The following DPY19L2 variants were observed in gnomAD, a reference collection of about 807,000 sequenced individuals.
DPY19L2 encodes the protein probable C-mannosyltransferase DPY19L2.
In DPY19L2, 34 loss-of-function variants were observed where a neutral mutation model predicts 97.9. That is an observed-to-expected ratio of 0.35 (90% confidence interval 0.26 to 0.46). DPY19L2 has a LOEUF of 0.46. DPY19L2 is among the 20% of genes least tolerant of loss of function. The pLI is 1.00. For synonymous variants in DPY19L2, 230 were observed against 307.9 expected (o/e 0.75, Z 2.65); for missense variants, 623 against 911.4 (o/e 0.68, Z 4.07).
At chr12:63,653,178 G>C (rs1157825196) in intron 4 of DPY19L2, among the ~76,000 whole-genome samples, 1 of 152,118 alleles carries the variant, frequency 6.6e-6, no homozygotes, top group Non-Finnish European at 1.5e-5. Context: ...CTAGGGACCT[G>C]TGGAACTTTA....
chr12:63,560,402 T>G lies in DPY19L2; in HGVS notation c.*110A>C. 1.5e-6 allele frequency: 2 copies of G among 1,313,666 alleles called. No individual in the cohort carries two copies. Among genetic ancestry groups the G allele is most frequent in the South Asian group, 3.9e-5 (2 of 51,116 alleles). 81.4% of individuals were successfully genotyped at this position (1,313,666 alleles called of 1,614,324 possible). On this transcript the variant is annotated 3_prime_UTR_variant, in exon 22 of 22. Coordinates refer to ENST00000324472, the MANE Select transcript of DPY19L2 (RefSeq NM_173812.5). The stretch of plus-strand genomic sequence containing the variant: ...AATTTCCAATCCATTTTTATCTTAT[T>G]TTTAAGTGTCTGTTATTAAAGCTTG...
In DPY19L2 at chr12:63,560,211, G is replaced by C. The variant is rs1876210541; in HGVS notation, c.*301C>G. 1 of 208,966 alleles carries C rather than the reference G, an allele frequency of 4.8e-6. No individual in the cohort carries two copies. Among genetic ancestry groups the C allele is most frequent in the African/African-American group, 2.3e-5 (1 of 42,896 alleles). 12.9% of individuals were successfully genotyped at this position (208,966 alleles called of 1,614,324 possible). On this transcript the variant is annotated 3_prime_UTR_variant, in exon 22 of 22. Transcript: ENST00000324472. ...GATGAAAAAGGACTTACATACCCCT[G>C]ATTTATTAAAATTCATTGTTCTTTT...
intron 11 of DPY19L2, among the ~76,000 whole-genome samples, chr12:63,611,278 A>C (rs28820576): frequency 0.054 from 8,281 of 151,970 alleles, 681 homozygotes; most frequent in African/African-American, 0.19. Flanking sequence ...CAAGACCTGA[A>C]AAGATCAGCC....
chr12:63,631,434 A>G (rs1480770676), intron 6 of DPY19L2, among the ~76,000 whole-genome samples: 2 of 152,108 alleles, frequency 1.3e-5, no homozygotes, highest in Non-Finnish European at 2.9e-5. Context: ...TACTATAAAC[A>G]CCTCTATGCA....
At chr12:63,616,812 T>C (rs1320473323) in intron 11 of DPY19L2, among the ~76,000 whole-genome samples, 1 of 152,148 alleles carries the variant, frequency 6.6e-6, no homozygotes, top group African/African-American at 2.4e-5. Context: ...CACACCATCG[T>C]TTGAGCAAGA....
chr12:63,568,141 T>C (rs1010045171), intron 21 of DPY19L2, among the ~76,000 whole-genome samples: 1 of 152,028 alleles, frequency 6.6e-6, no homozygotes, highest in African/African-American at 2.4e-5. Context: ...TAATGTTACA[T>C]AGGTCTGTGA....
At position 63,661,419 on chromosome 12, in the gene DPY19L2, C is replaced by G; in HGVS notation, c.513G>C (p.Trp171Cys). Residue 171 changes from tryptophan to cysteine, a missense_variant, in exon 4 of 22, where the codon TGG (tryptophan) becomes TGC (cysteine). Around this residue, in one of 6 missense-constraint regions of DPY19L2, gnomAD observed 84 missense variants for 125.4 expected, o/e 0.67. Coordinates refer to ENST00000324472, the MANE Select transcript of DPY19L2 (RefSeq NM_173812.5). ...CAGTAAGCCTGTCATTCATAATCAT[C>G]CACAGTCCTTCCAAAAACGAAGGTG... The part of the protein sequence containing the change: ...IEAPSFLEGL[W>C]MIMNDRLTEY... 6.2e-7 allele frequency: 1 copy of G among 1,603,508 alleles called. No individual in the cohort carries two copies. Among genetic ancestry groups the G allele is most frequent in the Non-Finnish European group, 8.5e-7 (1 of 1,176,834 alleles).
At chr12:63,603,165 AAG>A (rs1180648212) in intron 12 of DPY19L2, among the ~76,000 whole-genome samples, 1 of 152,214 alleles carries the variant, frequency 6.6e-6, no homozygotes, top group East Asian at 1.9e-4. Context: ...ATAAAAATGA[AAG>A]AGTGAAAATA....
At chr12:63,629,382 C>T (rs1890168362) in intron 6 of DPY19L2, among the ~76,000 whole-genome samples, 1 of 152,022 alleles carries the variant, frequency 6.6e-6, no homozygotes, top group African/African-American at 2.4e-5. Flanking sequence ...GGACCGGATG[C>T]AGCTGAAAAC....
In DPY19L2 at chr12:63,644,415, C is replaced by G. The variant is rs1481045859; in HGVS notation, c.791G>C (p.Gly264Ala). 6.2e-7 allele frequency: 1 copy of G among 1,610,472 alleles called. No individual in the cohort carries two copies. Among genetic ancestry groups the G allele is most frequent in the Admixed American group, 1.7e-5 (1 of 59,394 alleles). The change falls in exon 6 of 22, where the codon GGA (glycine) becomes GCA (alanine). Residue 264 changes from glycine to alanine, a missense_variant. Around this residue, in one of 6 missense-constraint regions of DPY19L2, gnomAD observed 67 missense variants for 88.0 expected, o/e 0.76. Transcript: ENST00000324472. ...GTAGTAGTCTTACCTCAGGTATGCT[C>G]CATACATGAAGAACAATCCCATCAT... ...GLMMGLFFMYGAYLSGTQLGG... is the reference protein window; with the variant it reads ...GLMMGLFFMYAAYLSGTQLGG...
intron 19 of DPY19L2, among the ~76,000 whole-genome samples, chr12:63,572,118 TGTG>T (rs1471071745): frequency 3.3e-5 from 5 of 152,122 alleles, no homozygotes; most frequent in Non-Finnish European, 7.4e-5. Flanking sequence ...AGCAGGCTCT[TGTG>T]GTCCCCGATT....
chr12:63,613,204 C>T (rs1323826037), intron 11 of DPY19L2, among the ~76,000 whole-genome samples: 3 of 152,088 alleles, frequency 2.0e-5, no homozygotes, highest in Non-Finnish European at 4.4e-5. Context: ...CACAAGAGAA[C>T]TATGAACCAA....
At chr12:63,624,980 A>G (rs1017994437) in intron 7 of DPY19L2, among the ~76,000 whole-genome samples, 5 of 152,198 alleles carry the variant, frequency 3.3e-5, no homozygotes, top group African/African-American at 9.6e-5. Flanking sequence ...ATGTCAGCAC[A>G]TTGTTGAATG....
intron 21 of DPY19L2, among the ~76,000 whole-genome samples, chr12:63,561,305 C>A (rs1436279474): frequency 6.6e-6 from 1 of 152,052 alleles, no homozygotes; most frequent in African/African-American, 2.4e-5. Context: ...TAAAACTTCA[C>A]CTATTTTATG....
intron 6 of DPY19L2, among the ~76,000 whole-genome samples, chr12:63,633,200 C>A (rs959308893): frequency 2.6e-5 from 4 of 152,042 alleles, no homozygotes; most frequent in Admixed American, 2.0e-4. Flanking sequence ...GCAAGAAAAG[C>A]CGAAATTGAC....
chr12:63,653,216 G>A (rs1381875060), intron 4 of DPY19L2, among the ~76,000 whole-genome samples: 2 of 151,934 alleles, frequency 1.3e-5, no homozygotes, highest in Non-Finnish European at 2.9e-5. Context: ...CATGTCATTG[G>A]AGTCTTGGAA....
At chr12:63,573,416 TAAA>T (rs1879251501) in intron 19 of DPY19L2, among the ~76,000 whole-genome samples, 1 of 151,558 alleles carries the variant, frequency 6.6e-6, no homozygotes, top group Admixed American at 6.6e-5. Flanking sequence ...GAAAAAAGAA[TAAA>T]GAAGAATGAA....
intron 16 of DPY19L2, among the ~76,000 whole-genome samples, chr12:63,586,288 G>A (rs2137403853): frequency 6.6e-6 from 1 of 152,212 alleles, no homozygotes; most frequent in Admixed American, 6.5e-5. Context: ...ATTTTTTCAG[G>A]TAAGAAAGCA....
chr12:63,627,895 G>A (rs898926328), intron 6 of DPY19L2, among the ~76,000 whole-genome samples: 32 of 152,018 alleles, frequency 2.1e-4, no homozygotes, highest in African/African-American at 7.2e-4. Flanking sequence ...AATGAAGAAA[G>A]GAAGAAAACA....
Sources: gnomAD v4.1 joint callset for allele counts (sites outside exome capture counted in the v4.1 genomes callset) on GRCh38, gnomAD v4.1.1 for gene constraint, gnomAD v4.1.1 regional missense constraint, MANE v1.5 for transcripts, NCBI Gene and HGNC (gene_info 2026-07-23, HGNC 2026-07-21) for gene names.